Variants in KCND3 observed in about 807,000 individuals in gnomAD.
KCND3 encodes the protein potassium voltage-gated channel subfamily D member 3.
KCND3 carries 9 observed loss-of-function variants against 51.1 expected under a neutral mutation model. The ratio of observed to expected loss-of-function variants is 0.18; its 90% CI spans 0.11 to 0.31. The LOEUF (loss-of-function observed/expected upper bound fraction) is 0.31, where lower values mean the gene tolerates loss of function less well. Among genes scored for constraint, KCND3 ranks in the 10% least tolerant of loss-of-function variants. The pLI is 1.00. For missense variants in KCND3, 526 were observed against 903.8 expected (o/e 0.58, Z 5.36); for synonymous variants, 349 against 368.0 (o/e 0.95, Z 0.59).
At chr1:111,819,586 A>G (rs558490923) in intron 2 of KCND3, among the ~76,000 whole-genome samples, 2 of 152,298 alleles carry the variant, frequency 1.3e-5, no homozygotes, top group Non-Finnish European at 2.9e-5. Flanking sequence ...CAAAGCCCAG[A>G]GATCTGGGAG....
chr1:111,945,464 A>G (rs1672734783), intron 2 of KCND3, among the ~76,000 whole-genome samples: 1 of 152,024 alleles, frequency 6.6e-6, no homozygotes, highest in East Asian at 1.9e-4. Flanking sequence ...TCTATGGCCT[A>G]CCCCCATTAA....
At chr1:111,893,695 G>A (rs775270153) in intron 2 of KCND3, among the ~76,000 whole-genome samples, 10 of 152,154 alleles carry the variant, frequency 6.6e-5, no homozygotes, top group Admixed American at 1.3e-4. Flanking sequence ...CCTATCAGAG[G>A]TGAACAACCC....
chr1:111,799,005 C>T (rs769066551), intron 2 of KCND3, among the ~76,000 whole-genome samples: 6 of 152,040 alleles, frequency 3.9e-5, no homozygotes, highest in Admixed American at 1.3e-4. Context: ...ACCAGGTGAT[C>T]CCTGATTTGT....
At chr1:111,945,440 C>T (rs1402223168) in intron 2 of KCND3, among the ~76,000 whole-genome samples, 1 of 152,212 alleles carries the variant, frequency 6.6e-6, no homozygotes, top group African/African-American at 2.4e-5. Context: ...AGACACTGTA[C>T]TGAGAGATTT....
intron 2 of KCND3, among the ~76,000 whole-genome samples, chr1:111,820,531 G>A (rs1333075215): frequency 6.6e-6 from 1 of 152,162 alleles, no homozygotes; most frequent in Non-Finnish European, 1.5e-5. Context: ...TTACAGTGGA[G>A]TGCACTGAGG....
chr1:111,882,521 G>A (rs1031119661), intron 2 of KCND3, among the ~76,000 whole-genome samples: 2 of 152,186 alleles, frequency 1.3e-5, no homozygotes, highest in African/African-American at 4.8e-5. Flanking sequence ...CTGCTTTGGG[G>A]GTGTGTGTGA....
At position 111,829,913 on chromosome 1, in the gene KCND3, C is replaced by A. The variant is rs562240090; in HGVS notation, c.1107-42807G>T. 3.9e-5 allele frequency among the ~76,000 whole-genome samples: 6 copies of A among 152,328 alleles called. No individual in the cohort carries two copies. The South Asian group carries it at 8.3e-4, about 21-fold the overall frequency. ...GATTTCTCCCAGGTAGCACTGGTGGCTGCATCCTTAGTGTTGCGTTGACCC... is the reference window on the plus strand; with the variant it reads ...GATTTCTCCCAGGTAGCACTGGTGGATGCATCCTTAGTGTTGCGTTGACCC... On this transcript the variant is annotated intron_variant, in intron 2 of 7. Transcript: ENST00000302127.
intron 2 of KCND3, among the ~76,000 whole-genome samples, chr1:111,902,607 AGTG>A (rs778141632): frequency 1.1e-4 from 17 of 152,212 alleles, no homozygotes; most frequent in Non-Finnish European, 2.1e-4. Context: ...GTTAAAAACT[AGTG>A]GTCCACAGGT....
intron 2 of KCND3, among the ~76,000 whole-genome samples, chr1:111,869,753 G>T (rs1557989197): frequency 1.3e-5 from 2 of 152,166 alleles, no homozygotes; most frequent in African/African-American, 4.8e-5. Context: ...TAAATTAACT[G>T]CTCACAAATA....
In KCND3 at chr1:111,780,140, T is replaced by C. The variant is rs1434000886; in HGVS notation, c.1461+85A>G. 1 of 1,336,202 alleles carries C rather than the reference T, an allele frequency of 7.5e-7. No homozygotes were observed. The highest frequency in any genetic ancestry group is 1.0e-6 in the Non-Finnish European group (1 of 952,422). The allele number at this position is 1,336,202 out of a possible 1,614,324, so 82.8% of individuals were successfully genotyped here. ...TCTGAAGGGGACAGACTTTGACTTC[T>C]GGCCCAGAGTGAAGATGTGAGTACA... On this transcript the variant is annotated intron_variant, in intron 5 of 7. Transcript: ENST00000302127. This position sits in a 1 kb window ranked among gnomAD's most constrained non-coding sequence, Gnocchi z 4.2.
At chr1:111,892,253 C>T (rs562826164) in intron 2 of KCND3, among the ~76,000 whole-genome samples, 1 of 152,308 alleles carries the variant, frequency 6.6e-6, no homozygotes, top group African/African-American at 2.4e-5. Flanking sequence ...AGTGCTTGTG[C>T]ATGAAGCCTG....
intron 2 of KCND3, among the ~76,000 whole-genome samples, chr1:111,838,086 T>G (rs1667148478): frequency 6.6e-6 from 1 of 152,114 alleles, no homozygotes; most frequent in South Asian, 2.1e-4. Context: ...CAAGTCAGCT[T>G]AAAGTTACAC....
At chr1:111,976,203 A>G (rs1674615093) in intron 2 of KCND3, among the ~76,000 whole-genome samples, 1 of 152,232 alleles carries the variant, frequency 6.6e-6, no homozygotes, top group Non-Finnish European at 1.5e-5. Context: ...CATCATGGGT[A>G]GAGGGGCTTA....
Position 111,934,497 on chromosome 1 carries a change from C to T in KCND3, c.1106+47124G>A, listed in dbSNP as rs549200699. 7.9e-5 allele frequency among the ~76,000 whole-genome samples: 12 copies of T among 152,310 alleles called. No individual in the cohort carries two copies. The South Asian group carries it at 1.2e-3, about 16-fold the overall frequency. On this transcript the variant is annotated intron_variant, in intron 2 of 7. Coordinates refer to ENST00000302127, the MANE Select transcript of KCND3 (RefSeq NM_001378969.1). ...CAGACATAGAAGGCCCAGGTGAAAG[C>T]GGTTGTCTAAATTAATCCACGGGGA...
Position 111,824,633 on chromosome 1 carries a change from G to A in KCND3, c.1107-37527C>T, listed in dbSNP as rs374746198. Among the ~76,000 whole-genome samples, 18 of 152,184 alleles carry A rather than the reference G, an allele frequency of 1.2e-4. 1 individual carries two copies. In the East Asian group the frequency reaches 3.1e-3, roughly 26 times the overall value. On this transcript the variant is annotated intron_variant, in intron 2 of 7. Coordinates refer to ENST00000302127, the MANE Select transcript of KCND3 (RefSeq NM_001378969.1). ...ATGGACCCTCTTGATCTTAAAGCTC[G>A]AAACTTACATTTATCTTATTTGAGT...
At chr1:111,866,799 T>G (rs1243711419) in intron 2 of KCND3, among the ~76,000 whole-genome samples, 6 of 152,226 alleles carry the variant, frequency 3.9e-5, no homozygotes, top group South Asian at 4.2e-4. Flanking sequence ...AGTATGACTC[T>G]AATGTATTAA....
At chr1:111,826,624 G>A (rs1310584305) in intron 2 of KCND3, among the ~76,000 whole-genome samples, 1 of 152,148 alleles carries the variant, frequency 6.6e-6, no homozygotes, top group South Asian at 2.1e-4. Flanking sequence ...TCACTCACAG[G>A]TGGTTTACTA....
At chr1:111,839,279 A>G (rs1426358414) in intron 2 of KCND3, among the ~76,000 whole-genome samples, 2 of 152,112 alleles carry the variant, frequency 1.3e-5, no homozygotes, top group Non-Finnish European at 2.9e-5. Context: ...TGGAGTCTTG[A>G]CCTCATTCAA....
intron 2 of KCND3, among the ~76,000 whole-genome samples, chr1:111,836,137 G>C (rs1025892721): frequency 2.6e-5 from 4 of 152,238 alleles, no homozygotes; most frequent in Non-Finnish European, 5.9e-5. Context: ...AAGTTCACAT[G>C]GGTGGATCCT....
Sources: allele counts gnomAD v4.1 joint callset (sites outside exome capture counted in the v4.1 genomes callset), GRCh38; gene constraint gnomAD v4.1.1; non-coding constraint Gnocchi (gnomAD v3.1); transcripts MANE v1.5; gene names NCBI Gene and HGNC (gene_info 2026-07-23, HGNC 2026-07-21).